SYT9: variants seen among roughly 807,000 people sequenced by gnomAD.
SYT9 encodes synaptotagmin 9, also known as synaptotagmin-9.
Under a neutral mutation model 48.4 loss-of-function variants are expected in SYT9, and 22 were observed. The ratio of observed to expected loss-of-function variants is 0.45; its 90% CI spans 0.32 to 0.65. SYT9 has a LOEUF of 0.65. SYT9 is among the 30% of genes least tolerant of loss of function. SYT9 has a pLI of 0.03. For missense variants in SYT9, 577 were observed against 622.0 expected, an observed-to-expected ratio of 0.93 and a Z score of 0.77; for synonymous variants, 265 against 245.0, an observed-to-expected ratio of 1.08 and a Z score of -0.76.
At chr11:7,269,108 T>G (rs1848248329) in intron 1 of SYT9, among the ~76,000 whole-genome samples, 1 of 152,112 alleles carries the variant, frequency 6.6e-6, no homozygotes, top group Non-Finnish European at 1.5e-5. Flanking sequence ...ATGTATTTCA[T>G]TTTATTTATT....
At chr11:7,453,552 C>A (rs1365826351) in intron 6 of SYT9, among the ~76,000 whole-genome samples, 2 of 152,184 alleles carry the variant, frequency 1.3e-5, no homozygotes, top group South Asian at 2.1e-4. Flanking sequence ...AGGCAAATTG[C>A]ATACAGTTGA....
chr11:7,332,771 G>A (rs1358615193), intron 3 of SYT9, among the ~76,000 whole-genome samples: 2 of 152,152 alleles, frequency 1.3e-5, no homozygotes, highest in East Asian at 3.9e-4. Context: ...TTCCATGGCT[G>A]AACACATGGG....
Position 7,303,305 on chromosome 11 carries a change from C to A in SYT9, c.412C>A (p.Leu138Ile). The stretch of plus-strand genomic sequence containing the variant: ...CAGCCACACCTCCCCTGACATTCCC[C>A]TCTCCACCCAGACGGGGATCCAGGA... ...KISHTSPDIP[L>I]STQTGIQENC... is the part of the protein sequence containing the mutation. Residue 138 changes from leucine (L) to isoleucine (I), a missense_variant, in exon 2 of 7, where the codon CTC becomes ATC. Coordinates refer to ENST00000318881, the MANE Select transcript of SYT9 (RefSeq NM_175733.4). The A allele has an allele frequency of 6.2e-7, 1 of 1,614,040 alleles. No individual in the cohort carries two copies. Among genetic ancestry groups the A allele is most frequent in the Non-Finnish European group, 8.5e-7 (1 of 1,180,036 alleles).
upstream of SYT9, among the ~76,000 whole-genome samples, chr11:7,247,667 TA>T (rs1386485217): frequency 4.5e-5 from 6 of 132,700 alleles, no homozygotes; most frequent in East Asian, 1.3e-3. Flanking sequence ...CATATGTATA[TA>T]TACGTATATA....
chr11:7,313,505 A>G lies in SYT9; in HGVS notation c.608A>G (p.Tyr203Cys), dbSNP rs1385656150. ...ATTGGTAGAATTAAACCAGAGTTAT[A>G]TAAGCAGAGGTCATTGGATAATGAT... ...TGIGRIKPEL[Y>C]KQRSLDNDDG... The change falls in exon 3 of 7, where the codon TAT (tyrosine) becomes TGT (cysteine). Residue 203 changes from tyrosine to cysteine, a missense_variant. By Grantham distance (194) the Tyr-to-Cys change is radical (BLOSUM62 -2). Transcript: ENST00000318881. 2.5e-6 allele frequency: 4 copies of G among 1,614,210 alleles called. No homozygotes were observed. The highest frequency in any genetic ancestry group is 3.4e-6 in the Non-Finnish European group (4 of 1,180,002).
chr11:7,270,674 T>C (rs1215026567), intron 1 of SYT9, among the ~76,000 whole-genome samples: 2 of 152,250 alleles, frequency 1.3e-5, no homozygotes, highest in Non-Finnish European at 2.9e-5. Context: ...TAATATCTTC[T>C]GATTTAACAG....
intron 3 of SYT9, among the ~76,000 whole-genome samples, chr11:7,394,113 T>G (rs1247048263): frequency 6.6e-6 from 1 of 151,336 alleles, no homozygotes; most frequent in Non-Finnish European, 1.5e-5. Flanking sequence ...CCTCCCCCCT[T>G]CCCCCACCCC....
intron 1 of SYT9, among the ~76,000 whole-genome samples, chr11:7,263,795 G>A (rs1406456173): frequency 1.3e-5 from 2 of 148,698 alleles, no homozygotes; most frequent in African/African-American, 2.4e-5. Flanking sequence ...ACTGGTGAAA[G>A]TCTAACTAGA....
chr11:7,276,083 G>C (rs921078271), intron 1 of SYT9, among the ~76,000 whole-genome samples: 13 of 152,012 alleles, frequency 8.6e-5, no homozygotes, highest in Non-Finnish European at 1.0e-4. Context: ...CCCACCCCCA[G>C]ACTGATTTCT....
At chr11:7,394,385 A>T (rs1415780159) in intron 3 of SYT9, among the ~76,000 whole-genome samples, 1 of 152,148 alleles carries the variant, frequency 6.6e-6, no homozygotes, top group Non-Finnish European at 1.5e-5. Context: ...GGTTGGTTCC[A>T]AGTCTTTGCT....
intron 1 of SYT9, among the ~76,000 whole-genome samples, chr11:7,257,992 T>A (rs1431535631): frequency 6.6e-6 from 1 of 152,192 alleles, no homozygotes; most frequent in East Asian, 1.9e-4. Context: ...AACTTTTTGA[T>A]GTGGGATAAA....
At chr11:7,433,456 G>A (rs530427091) in intron 6 of SYT9, among the ~76,000 whole-genome samples, 3 of 152,306 alleles carry the variant, frequency 2.0e-5, no homozygotes, top group African/African-American at 7.2e-5. Flanking sequence ...TCCTGGAAAT[G>A]GGAACGGAGA....
chr11:7,359,057 G>A (rs941488143), intron 3 of SYT9, among the ~76,000 whole-genome samples: 5 of 150,042 alleles, frequency 3.3e-5, no homozygotes, highest in African/African-American at 1.2e-4. Flanking sequence ...GTGTCCATAT[G>A]TTCTCATTGT....
chr11:7,405,540 AAAC>A (rs1393175227), intron 3 of SYT9, among the ~76,000 whole-genome samples: 4 of 152,210 alleles, frequency 2.6e-5, no homozygotes, highest in Non-Finnish European at 5.9e-5. Context: ...TATCTCCTCA[AAAC>A]ATAGTGTCTG....
rs1848953704 is a variant in SYT9, at chr11:7,303,067, G to C, written c.174G>C (p.Val58=). Residue 58 remains valine (V), a synonymous_variant, in exon 2 of 7, where the codon GTG becomes GTC. Transcript: ENST00000318881. ...TCTCAGTGAGCCTGCTGACCCTTGT[G>C]GTCACTGCCTGTGGTCTCGCTCTCT... ...PDISVSLLTL[V]VTACGLALFG... 2.5e-6 allele frequency: 4 copies of C among 1,614,012 alleles called. No individual in the cohort carries two copies. In the South Asian group the frequency reaches 3.3e-5, roughly 13 times the overall value.
intron 6 of SYT9, among the ~76,000 whole-genome samples, chr11:7,444,020 G>C (rs1475182993): frequency 1.3e-5 from 2 of 152,182 alleles, no homozygotes; most frequent in African/African-American, 2.4e-5. Context: ...CTACAAAAAG[G>C]GTACAGACTC....
chr11:7,270,018 A>G (rs1398903423), intron 1 of SYT9, among the ~76,000 whole-genome samples: 1 of 152,202 alleles, frequency 6.6e-6, no homozygotes, highest in Non-Finnish European at 1.5e-5. Flanking sequence ...CAAAAATGGG[A>G]CAAAATAATA....
rs1261805189 is a variant in SYT9 at position 7,445,362 on chromosome 11, C to T, written c.1468-21430C>T. Among the ~76,000 whole-genome samples, 27 of 152,180 alleles carry T rather than the reference C, an allele frequency of 1.8e-4. 1 individual carries two copies. The highest frequency in any genetic ancestry group is 1.5e-5 in the Non-Finnish European group (1 of 68,034). On this transcript the variant is annotated intron_variant, in intron 6 of 6. Transcript: ENST00000318881. ...TATGTGGCATGGGCTGGGACTGCCC[C>T]TGGGCTTCACTGTCCAGCCTTGGAC... is the stretch of plus-strand genomic sequence containing the variant.
intron 3 of SYT9, among the ~76,000 whole-genome samples, chr11:7,387,675 C>T (rs1488135028): frequency 6.6e-6 from 1 of 151,932 alleles, no homozygotes; most frequent in African/African-American, 2.4e-5. Flanking sequence ...TTAAATACAC[C>T]ATTGCTGTAG....
Sources: gnomAD v4.1 joint callset for allele counts (sites outside exome capture counted in the v4.1 genomes callset) on GRCh38, gnomAD v4.1.1 for gene constraint, MANE v1.5 for transcripts, NCBI Gene and HGNC (gene_info 2026-07-23, HGNC 2026-07-21) for gene names.